The following HDAC9 variants were observed in gnomAD, a reference collection of about 807,000 sequenced individuals.
HDAC9 encodes the protein MEF-2 interacting transcription repressor (MITR) protein.
In HDAC9, 41 loss-of-function variants were observed where a neutral mutation model predicts 139.4. The ratio of observed to expected loss-of-function variants is 0.29; its 90% CI spans 0.23 to 0.38. The LOEUF is 0.38. Ranked by LOEUF, HDAC9 falls within the 10% of genes least tolerant of loss-of-function variation. The pLI is 1.00. For missense variants in HDAC9, 1,147 were observed against 1,297.0 expected (o/e 0.88, Z 1.78); for synonymous variants, 517 against 476.2 (o/e 1.09, Z -1.12).
At position 18,836,185 on chromosome 7, in the gene HDAC9, T is replaced by A. The variant is rs539264575; in HGVS notation, c.2684+188T>A. Among the ~76,000 whole-genome samples, 203 of 152,314 alleles carry A rather than the reference T, an allele frequency of 1.3e-3. 4 individuals are homozygous for A. The South Asian group carries it at 0.04, about 30-fold the overall frequency. ...TTGATTATACAGGTATATTGGCCAA[T>A]GGCCCATTTTCCCCCTTCCCTCCCA... On this transcript the variant is annotated intron_variant, in intron 21 of 25. Coordinates refer to ENST00000686413, the MANE Select transcript of HDAC9 (RefSeq NM_178425.4).
chr7:18,862,817 A>G (rs1390299908), intron 21 of HDAC9, among the ~76,000 whole-genome samples: 4 of 152,222 alleles, frequency 2.6e-5, no homozygotes, highest in South Asian at 2.1e-4. Flanking sequence ...AATTATGAAG[A>G]CAGAAAGAGA....
At chr7:18,188,387 A>T (rs1790075872) in intron 2 of HDAC9, among the ~76,000 whole-genome samples, 1 of 152,246 alleles carries the variant, frequency 6.6e-6, no homozygotes. Context: ...ACCTCACACC[A>T]TAAAAACCCT....
At chr7:18,593,773 T>A (rs1831654491) in intron 5 of HDAC9, 135 bp from the exon 6 acceptor site, 1 of 851,748 alleles carries the variant, frequency 1.2e-6, no homozygotes, top group Admixed American at 2.3e-5. Context: ...TATGTGAGGC[T>A]ATGGTTTGTA....
Position 18,383,455 on chromosome 7 carries a change from G to T in HDAC9, c.-42+92940G>T, listed in dbSNP as rs73307435. ...CCTGTTCAGGTATATGATAAAACTG[G>T]CATTTAAGTTAGTAAAGAAATGAAG... On this transcript the variant is annotated intron_variant, in intron 1 of 3. Transcript: ENST00000413509. Among the ~76,000 whole-genome samples, 3 of 152,070 alleles carry T rather than the reference G, an allele frequency of 2.0e-5. No homozygotes were observed. The South Asian group carries it at 6.2e-4, about 32-fold the overall frequency.
chr7:18,459,944 C>CTTTT (rs773866817), intron 1 of HDAC9, among the ~76,000 whole-genome samples: 1 of 129,360 alleles, frequency 7.7e-6, no homozygotes, highest in Non-Finnish European at 1.7e-5. Flanking sequence ...TACAGATTTG[C>CTTTT]TTTTTTTTTT....
intron 22 of HDAC9, among the ~76,000 whole-genome samples, chr7:18,877,609 T>G (rs1412832520): frequency 6.6e-6 from 1 of 152,168 alleles, no homozygotes; most frequent in Non-Finnish European, 1.5e-5. Context: ...GCACATTGAG[T>G]CAATCTTTTA....
chr7:18,840,130 T>C (rs184171766), intron 21 of HDAC9, among the ~76,000 whole-genome samples: 128 of 152,174 alleles, frequency 8.4e-4, no homozygotes, highest in African/African-American at 2.9e-3. Context: ...AAAAGAAATA[T>C]AAGCCCCTTC....
intron 2 of HDAC9, among the ~76,000 whole-genome samples, chr7:18,241,652 T>G (rs1035242663): frequency 7.2e-5 from 11 of 152,216 alleles, no homozygotes; most frequent in Non-Finnish European, 1.2e-4. Context: ...TAGTGTAATT[T>G]AGTGAGAAGT....
intron 6 of HDAC9, among the ~76,000 whole-genome samples, chr7:18,626,532 T>G (rs1841771636): frequency 6.6e-6 from 1 of 152,232 alleles, no homozygotes; most frequent in Non-Finnish European, 1.5e-5. Flanking sequence ...AGGCATCTAT[T>G]TGACTCCAGG....
In HDAC9 at chr7:18,357,520, A is replaced by G. The variant is rs1377789257; in HGVS notation, c.-42+67005A>G. ...ACACAATTTCTGCCCTTGTGGAATT[A>G]TAGCCAGTATAGGAGACAGACAAAA... On this transcript the variant is annotated intron_variant, in intron 1 of 3. Coordinates refer to the HDAC9 transcript ENST00000413509. Among the ~76,000 whole-genome samples the G allele has an allele frequency of 3.3e-5, 5 of 151,990 alleles. 1 individual carries two copies. The highest frequency in any genetic ancestry group is 7.4e-5 in the Non-Finnish European group (5 of 67,858).
intron 1 of HDAC9, among the ~76,000 whole-genome samples, chr7:18,490,658 T>A (rs774490364): frequency 1.3e-5 from 2 of 151,960 alleles, no homozygotes; most frequent in Non-Finnish European, 2.9e-5. Context: ...AAATAGAAAA[T>A]TCAGATAAAT....
At chr7:18,359,512 A>G (rs1013694598) in intron 1 of HDAC9, among the ~76,000 whole-genome samples, 3 of 152,188 alleles carry the variant, frequency 2.0e-5, no homozygotes, top group South Asian at 4.1e-4. Flanking sequence ...GAAAAATTCA[A>G]AATTGCATAA....
intron 2 of HDAC9, among the ~76,000 whole-genome samples, chr7:18,254,948 T>A (rs569689414): frequency 2.0e-5 from 3 of 152,214 alleles, no homozygotes; most frequent in African/African-American, 7.2e-5. Context: ...ATATTTGATA[T>A]GTTTTATAAA....
chr7:18,240,702 G>C, intron 2 of HDAC9, among the ~76,000 whole-genome samples: 1 of 152,028 alleles, frequency 6.6e-6, no homozygotes, highest in East Asian at 1.9e-4. Context: ...ACAAAATCTA[G>C]AAAAGTCATC....
chr7:18,443,180 C>G (rs1352027214), intron 1 of HDAC9, among the ~76,000 whole-genome samples: 1 of 152,202 alleles, frequency 6.6e-6, no homozygotes, highest in Non-Finnish European at 1.5e-5. Flanking sequence ...GGCTTATTGA[C>G]TTGAGTTTTT....
At chr7:18,889,065 C>T (rs996827586) in intron 22 of HDAC9, among the ~76,000 whole-genome samples, 3 of 152,154 alleles carry the variant, frequency 2.0e-5, no homozygotes, top group African/African-American at 7.2e-5. Flanking sequence ...CAATAATGTA[C>T]ACCTCTTACC....
At chr7:18,648,827 A>C in intron 11 of HDAC9, 144 bp downstream of exon 11, 1 of 690,268 alleles carries the variant, frequency 1.4e-6, no homozygotes, top group Non-Finnish European at 2.5e-6. Flanking sequence ...TTCTTGGCTC[A>C]AGGACACCAT....
chr7:18,363,197 G>T (rs1010338860), intron 1 of HDAC9, among the ~76,000 whole-genome samples: 7 of 152,048 alleles, frequency 4.6e-5, no homozygotes, highest in Non-Finnish European at 2.9e-5. Flanking sequence ...TTAATCCATG[G>T]CTTTTATTTT....
intron 1 of HDAC9, chr7:18,327,301 T>C (rs1800531376): frequency 6.6e-6 from 1 of 151,930 alleles, no homozygotes; most frequent in African/African-American, 2.4e-5. Flanking sequence ...AATATTATTA[T>C]TTTTTAGTTT....
Sources: allele counts gnomAD v4.1 joint callset (sites outside exome capture counted in the v4.1 genomes callset), GRCh38; gene constraint gnomAD v4.1.1; transcripts MANE v1.5; gene names NCBI Gene and HGNC (gene_info 2026-07-23, HGNC 2026-07-21).